Variants in DPF3 observed in about 807,000 individuals in gnomAD.
DPF3 encodes the protein double PHD fingers 3.
Under a neutral mutation model 56.8 loss-of-function variants are expected in DPF3, and 18 were observed. That is an observed-to-expected ratio of 0.32 (90% CI 0.22 to 0.47). The LOEUF is 0.47. Ranked by LOEUF, DPF3 falls within the 20% of genes least tolerant of loss-of-function variation. DPF3 has a pLI of 1.00. For synonymous variants in DPF3, 188 were observed against 180.2 expected (o/e 1.04, Z -0.35); for missense variants, 403 against 488.8 (o/e 0.82, Z 1.65).
intron 1 of DPF3, among the ~76,000 whole-genome samples, chr14:72,779,485 G>C (rs979853814): frequency 1.3e-5 from 2 of 152,186 alleles, no homozygotes; most frequent in African/African-American, 4.8e-5. Flanking sequence ...CCTCTGCTGG[G>C]CTGGGGATGC....
At chr14:72,678,775 T>C (rs996883128) in intron 7 of DPF3, among the ~76,000 whole-genome samples, 6 of 152,200 alleles carry the variant, frequency 3.9e-5, no homozygotes, top group African/African-American at 1.2e-4. Context: ...GATGTGGTTT[T>C]CTGTTGATTA....
chr14:72,647,626 G>T (rs1165321679), intron 8 of DPF3, among the ~76,000 whole-genome samples: 1 of 152,158 alleles, frequency 6.6e-6, no homozygotes, highest in African/African-American at 2.4e-5. Flanking sequence ...AAAGATTTAG[G>T]ATACATTTAA....
At chr14:72,705,901 AGT>A (rs1285592044) in intron 6 of DPF3, among the ~76,000 whole-genome samples, 1 of 152,002 alleles carries the variant, frequency 6.6e-6, no homozygotes, top group Admixed American at 6.5e-5. Flanking sequence ...GGACAGTGAT[AGT>A]GTGTGTGGTG....
chr14:72,741,265 C>T (rs553003194), intron 3 of DPF3, among the ~76,000 whole-genome samples: 3 of 152,258 alleles, frequency 2.0e-5, no homozygotes, highest in East Asian at 3.9e-4. Flanking sequence ...CACCCTCCAT[C>T]CCACACGCCT....
At chr14:72,726,279 C>A (rs1889403357) in intron 4 of DPF3, among the ~76,000 whole-genome samples, 1 of 152,174 alleles carries the variant, frequency 6.6e-6, no homozygotes, top group African/African-American at 2.4e-5. Context: ...AAGGTCATAG[C>A]CTCTGGCATC....
chr14:72,828,919 G>A (rs17181944), intron 1 of DPF3, among the ~76,000 whole-genome samples: 12,176 of 152,182 alleles, frequency 0.08, 729 homozygotes, highest in South Asian at 0.18. Context: ...AATAGAATTC[G>A]CAGGACTGGG....
At chr14:72,671,223 A>G in intron 8 of DPF3, 5 of 1,613,952 alleles carry the variant, frequency 3.1e-6, no homozygotes, top group Non-Finnish European at 4.2e-6. Flanking sequence ...AATCGTCCTC[A>G]TCAAAGCCGT....
At chr14:72,747,256 G>A (rs1171002407) in intron 3 of DPF3, among the ~76,000 whole-genome samples, 1 of 152,196 alleles carries the variant, frequency 6.6e-6, no homozygotes, top group Non-Finnish European at 1.5e-5. Flanking sequence ...ATGAACTACA[G>A]CATGCTCTTC....
At chr14:72,776,289 G>T (rs1247601665) in intron 1 of DPF3, among the ~76,000 whole-genome samples, 1 of 152,184 alleles carries the variant, frequency 6.6e-6, no homozygotes, top group African/African-American at 2.4e-5. Context: ...GCTGCAATCA[G>T]AAATAGGAAA....
At chr14:72,753,152 C>T (rs1599410164) in intron 3 of DPF3, 112 bp downstream of exon 3, 2 of 900,048 alleles carry the variant, frequency 2.2e-6, no homozygotes, top group Non-Finnish European at 3.4e-6. Flanking sequence ...TGTTCCCTCT[C>T]CCAGAAAACT....
At chr14:72,840,622 C>T (rs576245490) in intron 1 of DPF3, among the ~76,000 whole-genome samples, 2 of 152,228 alleles carry the variant, frequency 1.3e-5, no homozygotes, top group Non-Finnish European at 2.9e-5. Flanking sequence ...ACAGTCTCTC[C>T]CTCTTTTTTT....
chr14:72,649,852 C>T (rs1264387841), intron 8 of DPF3, among the ~76,000 whole-genome samples: 3 of 152,172 alleles, frequency 2.0e-5, no homozygotes, highest in Admixed American at 6.5e-5. Context: ...ACAACCCAGC[C>T]AACTGCTGGC....
Position 72,871,488 on chromosome 14 carries a change from G to C in DPF3, c.32+22569C>G, listed in dbSNP as rs182698275. 9.4e-4 allele frequency among the ~76,000 whole-genome samples: 143 copies of C among 152,322 alleles called. 1 individual carries two copies. Among genetic ancestry groups the C allele is most frequent in the African/African-American group, 2.2e-3 (90 of 41,578 alleles). On this transcript the variant is annotated intron_variant, in intron 1 of 10. Coordinates refer to ENST00000556509, the MANE Select transcript of DPF3 (RefSeq NM_001280542.3). ...AATTGGCCACAACAAAGGGTTTACA[G>C]CGCCCAGGTAGGTCTGAAATCCAGC...
intron 1 of DPF3, among the ~76,000 whole-genome samples, chr14:72,889,189 C>T (rs903222718): frequency 2.0e-5 from 3 of 152,188 alleles, no homozygotes; most frequent in Admixed American, 2.0e-4. Flanking sequence ...TCCCATTCAA[C>T]TGGCAGTCTT....
intron 8 of DPF3, among the ~76,000 whole-genome samples, chr14:72,632,771 GAA>G (rs1885242385): frequency 1.6e-5 from 2 of 125,272 alleles, no homozygotes; most frequent in South Asian, 6.4e-4. Context: ...GAAGGGGAGA[GAA>G]GAGGGGAAGG....
intron 8 of DPF3, among the ~76,000 whole-genome samples, chr14:72,640,527 TC>T (rs2153567768): frequency 6.6e-6 from 1 of 152,264 alleles, no homozygotes; most frequent in South Asian, 2.1e-4. Context: ...GGGGCATTAG[TC>T]CAGGGCAGAT....
chr14:72,636,142 G>A (rs1220998619), intron 8 of DPF3, among the ~76,000 whole-genome samples: 2 of 152,116 alleles, frequency 1.3e-5, no homozygotes, highest in Non-Finnish European at 2.9e-5. Flanking sequence ...AAAATACATA[G>A]AATCAATTCC....
intron 1 of DPF3, among the ~76,000 whole-genome samples, chr14:72,808,892 C>A (rs1203675915): frequency 2.6e-5 from 4 of 152,230 alleles, no homozygotes; most frequent in Non-Finnish European, 4.4e-5. Flanking sequence ...CTAGCTCCAA[C>A]CATACTACCT....
intron 6 of DPF3, among the ~76,000 whole-genome samples, chr14:72,700,999 G>A (rs979308194): frequency 8.5e-5 from 13 of 152,190 alleles, no homozygotes; most frequent in Non-Finnish European, 7.3e-5. Context: ...AAAAGAGGGT[G>A]GGAAAAGAAA....
Sources: gnomAD v4.1 joint callset for allele counts (sites outside exome capture counted in the v4.1 genomes callset) on GRCh38, gnomAD v4.1.1 for gene constraint, MANE v1.5 for transcripts, NCBI Gene and HGNC (gene_info 2026-07-23, HGNC 2026-07-21) for gene names.